The following CHRM3 variants were observed in gnomAD, a reference collection of about 807,000 sequenced individuals.
CHRM3 encodes cholinergic receptor muscarinic 3.
CHRM3 carries 11 observed loss-of-function variants against 41.8 expected under a neutral mutation model. That is an observed-to-expected ratio of 0.26 (90% CI 0.17 to 0.44). The LOEUF is 0.44. Among genes scored for constraint, CHRM3 ranks in the 20% least tolerant of loss-of-function variants. The pLI is 1.00. For synonymous variants in CHRM3, 297 were observed against 301.4 expected, an observed-to-expected ratio of 0.99 and a Z score of 0.15; for missense variants, 571 against 745.4, an observed-to-expected ratio of 0.77 and a Z score of 2.72.
At chr1:239,547,461 G>A (rs997724464) in intron 3 of CHRM3, among the ~76,000 whole-genome samples, 12 of 152,150 alleles carry the variant, frequency 7.9e-5, no homozygotes, top group Admixed American at 6.5e-5. Flanking sequence ...GGGAGTGTGG[G>A]ATTATCCTGA....
At chr1:239,458,449 C>G (rs1172739923) in intron 1 of CHRM3, among the ~76,000 whole-genome samples, 3 of 152,020 alleles carry the variant, frequency 2.0e-5, no homozygotes, top group Non-Finnish European at 2.9e-5. Context: ...AGAAATAGAG[C>G]AGATTGCAGA....
chr1:239,697,848 G>T (rs1199985437), intron 5 of CHRM3, among the ~76,000 whole-genome samples: 1 of 152,036 alleles, frequency 6.6e-6, no homozygotes, highest in Non-Finnish European at 1.5e-5. Context: ...AGGTCTAGAG[G>T]TACACATAGA....
At chr1:239,630,487 G>A (rs1287723706) in intron 3 of CHRM3, among the ~76,000 whole-genome samples, 1 of 152,142 alleles carries the variant, frequency 6.6e-6, no homozygotes, top group South Asian at 2.1e-4. Flanking sequence ...GATTTTACAG[G>A]GATATTAGCA....
chr1:239,577,024 A>G (rs1259646671), intron 3 of CHRM3, among the ~76,000 whole-genome samples: 6 of 152,180 alleles, frequency 3.9e-5, no homozygotes, highest in Non-Finnish European at 8.8e-5. Context: ...ACACTTCAGA[A>G]TTTTCTAGAC....
Position 239,881,164 on chromosome 1 carries a change from T to TC in CHRM3, c.-19-26266dup, listed in dbSNP as rs1443995678. On this transcript the variant is annotated intron_variant, in intron 6 of 6. Coordinates refer to ENST00000676153, the MANE Select transcript of CHRM3 (RefSeq NM_001375978.1). ...CGGGCGTGGTGGTGGGCGCCTGTAG[T>TC]CCCAGCTTCTCGGGAGGCTGAGGCA... Among the ~76,000 whole-genome samples the TC allele has an allele frequency of 2.0e-5, 3 of 149,876 alleles. No homozygotes were observed. The Admixed American group carries it at 2.0e-4, about 10-fold the overall frequency.
chr1:239,517,416 C>G (rs1030548441), intron 2 of CHRM3, among the ~76,000 whole-genome samples: 6 of 152,150 alleles, frequency 3.9e-5, no homozygotes, highest in African/African-American at 1.4e-4. Flanking sequence ...TTCAAGCTGC[C>G]CGACTTCTCA....
chr1:239,577,930 T>C (rs1662525168), intron 3 of CHRM3, among the ~76,000 whole-genome samples: 1 of 152,162 alleles, frequency 6.6e-6, no homozygotes, highest in South Asian at 2.1e-4. Flanking sequence ...ACTCTATTTA[T>C]GAAGGAAATG....
chr1:239,650,413 A>C (rs1452887050), intron 4 of CHRM3, among the ~76,000 whole-genome samples: 1 of 152,222 alleles, frequency 6.6e-6, no homozygotes, highest in Non-Finnish European at 1.5e-5. Context: ...TGAGAATAAA[A>C]ATAAATTGCA....
chr1:239,887,572 G>T lies in CHRM3; in HGVS notation c.-19-19861G>T, dbSNP rs146554384. Among the ~76,000 whole-genome samples the T allele has an allele frequency of 5.4e-3, 823 of 152,244 alleles. 5 individuals are homozygous for T. The highest frequency in any genetic ancestry group is 0.01 in the Middle Eastern group (3 of 294). ...AAACCTTCAGAAACTTGATTTGTTGGAATAAGTTACACCTGGGCAAGTTGA... is the reference window on the plus strand; with the variant it reads ...AAACCTTCAGAAACTTGATTTGTTGTAATAAGTTACACCTGGGCAAGTTGA... On this transcript the variant is annotated intron_variant, in intron 6 of 6. Transcript: ENST00000676153.
At chr1:239,762,557 C>T (rs1666885141) in intron 5 of CHRM3, among the ~76,000 whole-genome samples, 1 of 152,146 alleles carries the variant, frequency 6.6e-6, no homozygotes. Context: ...TTTAACATTG[C>T]AGATAAATAC....
At position 239,908,018 on chromosome 1, in the gene CHRM3, C is replaced by T. The variant is rs201321896; in HGVS notation, c.567C>T (p.Ile189=). 140 of 1,614,058 alleles carry T rather than the reference C, an allele frequency of 8.7e-5. No homozygotes were observed. Among genetic ancestry groups the T allele is most frequent in the Admixed American group, 3.3e-5 (2 of 60,000 alleles). Residue 189 remains isoleucine, a synonymous_variant, in exon 7 of 7, where the codon ATC becomes ATT. Transcript: ENST00000676153. This position sits in a 1 kb window ranked among gnomAD's most constrained non-coding sequence, Gnocchi z 7.2. ...KRTTKRAGVM[I]GLAWVISFVL... ...CAACAAAGAGAGCCGGTGTGATGATCGGTCTGGCTTGGGTCATCTCCTTTG... is the reference window on the plus strand; with the variant it reads ...CAACAAAGAGAGCCGGTGTGATGATTGGTCTGGCTTGGGTCATCTCCTTTG...
At chr1:239,483,362 C>T (rs1666985405) in intron 1 of CHRM3, among the ~76,000 whole-genome samples, 1 of 152,164 alleles carries the variant, frequency 6.6e-6, no homozygotes, top group Non-Finnish European at 1.5e-5. Context: ...ATTAGCTAAT[C>T]ATGCTGTTCT....
intron 5 of CHRM3, among the ~76,000 whole-genome samples, chr1:239,697,148 T>G (rs1257561385): frequency 6.6e-6 from 1 of 152,206 alleles, no homozygotes; most frequent in African/African-American, 2.4e-5. Context: ...GGTTTGGCTG[T>G]GTCCCCACCC....
intron 5 of CHRM3, among the ~76,000 whole-genome samples, chr1:239,813,809 C>T (rs2581331): frequency 0.46 from 56,465 of 122,540 alleles, 13,455 homozygotes; most frequent in East Asian, 0.6. Flanking sequence ...CCCAGCTACT[C>T]GGGAGGCTGA....
chr1:239,755,770 A>G (rs1381109775), intron 5 of CHRM3, among the ~76,000 whole-genome samples: 2 of 152,188 alleles, frequency 1.3e-5, no homozygotes, highest in South Asian at 2.1e-4. Flanking sequence ...TACTGGAGCA[A>G]GCCAGAGTGG....
In CHRM3 at chr1:239,914,679, C is replaced by G. The variant is rs1022741486; in HGVS notation, c.*5455C>G. On this transcript the variant is annotated 3_prime_UTR_variant, in exon 7 of 7. Transcript: ENST00000676153. ...GATAATTCTTTTGGAACAGGCTTCT[C>G]GGTTACTTGCCTTAGTAAAAGAAGT... is the stretch of plus-strand genomic sequence containing the variant. 6.0e-6 allele frequency: 1 copy of G among 166,960 alleles called. No homozygotes were observed. Among genetic ancestry groups the G allele is most frequent in the Non-Finnish European group, 1.5e-5 (1 of 68,106 alleles). 10.3% of individuals were successfully genotyped at this position (166,960 alleles called of 1,614,324 possible).
chr1:239,500,339 C>A (rs548400136), intron 2 of CHRM3, among the ~76,000 whole-genome samples: 1 of 151,896 alleles, frequency 6.6e-6, no homozygotes, highest in East Asian at 1.9e-4. Flanking sequence ...AGTTGGAAAC[C>A]ATCATTCTCA....
chr1:239,884,591 C>G (rs77990977), intron 6 of CHRM3, among the ~76,000 whole-genome samples: 6 of 152,274 alleles, frequency 3.9e-5, no homozygotes, highest in African/African-American at 1.4e-4. Flanking sequence ...GTCTCCTTAA[C>G]GAAGCTTTTT....
intron 5 of CHRM3, chr1:239,703,669 A>G (rs1660887055): frequency 1.3e-5 from 2 of 152,328 alleles, no homozygotes; most frequent in East Asian, 1.9e-4. Context: ...GAATTGCTGA[A>G]TCTACTTGAA....
Sources: gnomAD v4.1 joint callset for allele counts (sites outside exome capture counted in the v4.1 genomes callset) on GRCh38, gnomAD v4.1.1 for gene constraint, Gnocchi (gnomAD v3.1) non-coding constraint, MANE v1.5 for transcripts, NCBI Gene and HGNC (gene_info 2026-07-23, HGNC 2026-07-21) for gene names.